The following FOXP1 variants were observed in gnomAD, a reference collection of about 807,000 sequenced individuals.
FOXP1 encodes the protein forkhead box protein P1.
A neutral mutation model predicts 98.2 loss-of-function variants in FOXP1; 15 were observed. The ratio of observed to expected loss-of-function variants is 0.15; its 90% CI spans 0.10 to 0.24. The LOEUF (loss-of-function observed/expected upper bound fraction) is 0.24. Among genes scored for constraint, FOXP1 ranks in the 10% least tolerant of loss-of-function variants. The pLI is 1.00. For missense variants in FOXP1, 633 were observed against 848.5 expected (o/e 0.75, Z 3.15); for synonymous variants, 371 against 314.5 (o/e 1.18, Z -1.90).
intron 3 of FOXP1, among the ~76,000 whole-genome samples, chr3:71,442,521 T>A (rs2108459725): frequency 6.6e-6 from 1 of 152,154 alleles, no homozygotes; most frequent in African/African-American, 2.4e-5. Flanking sequence ...GCGCAGTGAG[T>A]TGGGTGCTGG....
chr3:71,288,537 C>T (rs2072412375), intron 5 of FOXP1: 2 of 152,188 alleles, frequency 1.3e-5, no homozygotes, highest in Admixed American at 1.3e-4. Flanking sequence ...CTATGTTAAC[C>T]ACACCAATCT....
chr3:71,535,864 C>T (rs2044249348), intron 2 of FOXP1, among the ~76,000 whole-genome samples: 1 of 152,222 alleles, frequency 6.6e-6, no homozygotes, highest in Non-Finnish European at 1.5e-5. Flanking sequence ...TTCTAATACA[C>T]ACAACGCCTC....
intron 7 of FOXP1, among the ~76,000 whole-genome samples, chr3:71,063,952 A>G (rs974845458): frequency 1.3e-5 from 2 of 152,142 alleles, no homozygotes; most frequent in Non-Finnish European, 1.5e-5. Flanking sequence ...GAGAGGGGTA[A>G]AAAGTCCCGT....
At chr3:71,298,765 C>T (rs896887541) in intron 5 of FOXP1, among the ~76,000 whole-genome samples, 1 of 137,860 alleles carries the variant, frequency 7.3e-6, no homozygotes, top group Non-Finnish European at 1.6e-5. Flanking sequence ...CATTCTAGAA[C>T]CCCCCCAAGC....
In FOXP1 at chr3:71,015,605, A is replaced by T. The variant is rs572234022; in HGVS notation, c.918T>A (p.Gly306=). 1 of 1,613,374 alleles carries T rather than the reference A, an allele frequency of 6.2e-7. No homozygotes were observed. Among genetic ancestry groups the T allele is most frequent in the East Asian group, 2.2e-5 (1 of 44,846 alleles). ...CTTCACAGCCTGGCCACTTGCATAC[A>T]CCATGTCCATAGAGAGGATGGCTAT... The part of the protein sequence containing the change: ...HPHSHPLYGH[G]VCKWPGCEAV... The change falls in exon 12 of 21, where the codon GGT becomes GGA. Residue 306 remains glycine, a synonymous_variant. Transcript: ENST00000649528.
At chr3:71,328,689 T>C (rs1344874172) in intron 4 of FOXP1, among the ~76,000 whole-genome samples, 1 of 152,174 alleles carries the variant, frequency 6.6e-6, no homozygotes, top group East Asian at 1.9e-4. Flanking sequence ...AATCTGACAG[T>C]TGGCTGGGCG....
At chr3:71,385,095 G>A (rs1428037922) in intron 3 of FOXP1, among the ~76,000 whole-genome samples, 3 of 141,898 alleles carry the variant, frequency 2.1e-5, no homozygotes, top group Admixed American at 1.4e-4. Context: ...GAAGGGGCAC[G>A]GGAAAAGGAA....
rs185746373 is a variant in FOXP1, at chr3:70,972,455, C to T, written c.1652+100G>A. Reference sequence around the variant, plus strand: ...TCCCTTAACTGAGACAACGTGAAACCAGTTCTTTGGTCTAACACCATCTAG... The same window carrying T: ...TCCCTTAACTGAGACAACGTGAAACTAGTTCTTTGGTCTAACACCATCTAG... On this transcript the variant is annotated intron_variant, in intron 18 of 20. Coordinates refer to ENST00000649528, the MANE Select transcript of FOXP1 (RefSeq NM_001349338.3). 31 of 1,530,482 alleles carry T rather than the reference C, an allele frequency of 2.0e-5. No individual in the cohort carries two copies. The East Asian group carries it at 6.7e-4, about 33-fold the overall frequency. The allele number at this position is 1,530,482 out of a possible 1,614,324, so 94.8% of individuals were successfully genotyped here. A position where few individuals can be genotyped will look rare whatever the true frequency, so the allele number is the denominator to read the frequency against.
chr3:71,296,966 G>A (rs1054045577), intron 5 of FOXP1, among the ~76,000 whole-genome samples: 1 of 152,198 alleles, frequency 6.6e-6, no homozygotes, highest in African/African-American at 2.4e-5. Context: ...CTTACTAGAA[G>A]TAGGTACTGG....
chr3:71,246,577 A>G (rs2067765915), intron 5 of FOXP1, among the ~76,000 whole-genome samples: 1 of 152,198 alleles, frequency 6.6e-6, no homozygotes, highest in South Asian at 2.1e-4. Flanking sequence ...TTATTAAAAC[A>G]TGTTTAGCAT....
intron 6 of FOXP1, among the ~76,000 whole-genome samples, chr3:71,168,900 G>A (rs1198983090): frequency 6.6e-6 from 1 of 152,158 alleles, no homozygotes; most frequent in Non-Finnish European, 1.5e-5. Flanking sequence ...TTATAGATGG[G>A]TACAGAGGTA....
At chr3:71,052,094 G>T (rs1389660693) in intron 9 of FOXP1, among the ~76,000 whole-genome samples, 1 of 151,744 alleles carries the variant, frequency 6.6e-6, no homozygotes, top group Non-Finnish European at 1.5e-5. Context: ...ATTTTTGTTT[G>T]TTTATCCAAC....
chr3:71,374,124 G>A (rs946815849), intron 3 of FOXP1, among the ~76,000 whole-genome samples: 2 of 152,120 alleles, frequency 1.3e-5, no homozygotes, highest in South Asian at 2.1e-4. Flanking sequence ...ATTAAAAAAC[G>A]TATGGAATGA....
intron 3 of FOXP1, among the ~76,000 whole-genome samples, chr3:71,367,214 C>T (rs1483146151): frequency 2.0e-5 from 3 of 152,176 alleles, no homozygotes; most frequent in Non-Finnish European, 4.4e-5. Context: ...GAGAAGGCCA[C>T]CACACTGCCT....
intron 3 of FOXP1, among the ~76,000 whole-genome samples, chr3:71,392,386 C>T (rs548973533): frequency 2.2e-4 from 33 of 152,092 alleles, no homozygotes; most frequent in African/African-American, 6.8e-4. Context: ...ATATAACAGT[C>T]GCGTTTAAAG....
intron 2 of FOXP1, among the ~76,000 whole-genome samples, chr3:71,566,158 T>C (rs1420561038): frequency 1.3e-5 from 2 of 152,212 alleles, no homozygotes; most frequent in Non-Finnish European, 2.9e-5. Context: ...CAGATGTGGC[T>C]GAATGTGCGT....
At chr3:71,069,142 C>T (rs1221274936) in intron 7 of FOXP1, among the ~76,000 whole-genome samples, 1 of 152,190 alleles carries the variant, frequency 6.6e-6, no homozygotes, top group Non-Finnish European at 1.5e-5. Flanking sequence ...CAAGGGAAAA[C>T]ACTGAGTTCT....
chr3:71,130,812 G>A, intron 6 of FOXP1: 1 of 1,432,966 alleles, frequency 7.0e-7, no homozygotes, highest in East Asian at 2.5e-5. Flanking sequence ...ATCAGTTGGA[G>A]CTTGCAGGTA....
chr3:71,315,068 C>A, intron 4 of FOXP1, among the ~76,000 whole-genome samples: 1 of 113,322 alleles, frequency 8.8e-6, no homozygotes, highest in African/African-American at 3.5e-5. Flanking sequence ...CTAATCCACA[C>A]CTGGTCCATG....
Sources: allele counts gnomAD v4.1 joint callset (sites outside exome capture counted in the v4.1 genomes callset), GRCh38; gene constraint gnomAD v4.1.1; transcripts MANE v1.5; gene names NCBI Gene and HGNC (gene_info 2026-07-23, HGNC 2026-07-21).